Variants in ATP2B2 observed in about 807,000 individuals in gnomAD.
The protein encoded by ATP2B2 is plasma membrane calcium-transporting ATPase 2.
ATP2B2 carries 15 observed loss-of-function variants against 120.0 expected under a neutral mutation model. That is an observed-to-expected ratio of 0.12 (90% CI 0.08 to 0.19). The LOEUF is 0.19. ATP2B2 is among the 10% of genes least tolerant of loss of function. ATP2B2 has a pLI of 1.00. For missense variants in ATP2B2, 1,045 were observed against 1,719.8 expected, an observed-to-expected ratio of 0.61 and a Z score of 6.94; for synonymous variants, 694 against 700.3, an observed-to-expected ratio of 0.99 and a Z score of 0.14.
intron 2 of ATP2B2, among the ~76,000 whole-genome samples, chr3:10,613,457 T>C (rs76458248): frequency 0.026 from 3,887 of 152,200 alleles, 109 homozygotes; most frequent in South Asian, 0.15. Context: ...GTGGGGGCAG[T>C]CTTATTGCAG....
intron 1 of ATP2B2, among the ~76,000 whole-genome samples, chr3:10,452,888 T>G (rs2064113852): frequency 6.6e-6 from 1 of 152,176 alleles, no homozygotes; most frequent in African/African-American, 2.4e-5. Context: ...CTGGATTGGG[T>G]GAAGGCAAAG....
At chr3:10,642,230 G>A (rs114022699) in intron 1 of ATP2B2, among the ~76,000 whole-genome samples, 367 of 152,318 alleles carry the variant, frequency 2.4e-3, no homozygotes, top group African/African-American at 8.3e-3. Flanking sequence ...AAAATAGGGA[G>A]GATGAAAGTA....
intron 10 of ATP2B2, 70 bp downstream of exon 10, chr3:10,378,182 G>C: frequency 6.4e-7 from 1 of 1,561,898 alleles, no homozygotes; most frequent in Non-Finnish European, 8.6e-7. Flanking sequence ...CTGAGGCCGA[G>C]CATGGGGCAG....
chr3:10,510,129 C>T (rs1346402527), upstream of ATP2B2, among the ~76,000 whole-genome samples: 1 of 152,174 alleles, frequency 6.6e-6, no homozygotes, highest in African/African-American at 2.4e-5. Flanking sequence ...GGTCTCTAGT[C>T]TATTGAGATT....
At chr3:10,480,600 C>T (rs2125318009) in intron 1 of ATP2B2, among the ~76,000 whole-genome samples, 1 of 152,288 alleles carries the variant, frequency 6.6e-6, no homozygotes, top group South Asian at 2.1e-4. Context: ...CCTTCAGGCC[C>T]AAGACCCTGT....
chr3:10,435,325 G>C (rs2063447078), intron 2 of ATP2B2, among the ~76,000 whole-genome samples: 1 of 152,122 alleles, frequency 6.6e-6, no homozygotes, highest in Admixed American at 6.5e-5. Flanking sequence ...AGGAAGCAGG[G>C]GGGTCTGAGG....
chr3:10,352,235 G>A (rs1040204624), intron 14 of ATP2B2, among the ~76,000 whole-genome samples: 2 of 152,340 alleles, frequency 1.3e-5, no homozygotes, highest in Admixed American at 1.3e-4. Flanking sequence ...GGAGGGCAGG[G>A]GCCATGGGGA....
intron 1 of ATP2B2, among the ~76,000 whole-genome samples, chr3:10,623,695 T>C (rs1177487425): frequency 1.3e-5 from 2 of 152,212 alleles, no homozygotes; most frequent in Non-Finnish European, 2.9e-5. Context: ...TGGTTCTCTG[T>C]GATACCACTG....
intron 2 of ATP2B2, among the ~76,000 whole-genome samples, chr3:10,447,916 A>T (rs1175780919): frequency 6.6e-6 from 1 of 152,266 alleles, no homozygotes; most frequent in Non-Finnish European, 1.5e-5. Context: ...GCGATGGGCA[A>T]AATGTCAGTG....
intron 2 of ATP2B2, among the ~76,000 whole-genome samples, chr3:10,590,802 A>T (rs906039545): frequency 2.0e-4 from 30 of 152,204 alleles, no homozygotes; most frequent in African/African-American, 7.0e-4. Flanking sequence ...GCACCCGTGC[A>T]TGTGCCTTCA....
chr3:10,353,774 A>G (rs1435717448), intron 14 of ATP2B2, among the ~76,000 whole-genome samples: 1 of 152,022 alleles, frequency 6.6e-6, no homozygotes, highest in Non-Finnish European at 1.5e-5. Context: ...CGGACCCTAT[A>G]CTTTCTTCTG....
chr3:10,488,129 C>A (rs1301017582), intron 1 of ATP2B2, among the ~76,000 whole-genome samples: 1 of 150,964 alleles, frequency 6.6e-6, no homozygotes, highest in East Asian at 2.0e-4. Flanking sequence ...ACCCATCCAT[C>A]CATCCATCCT....
chr3:10,383,336 T>C (rs756623873), intron 8 of ATP2B2, among the ~76,000 whole-genome samples: 4 of 152,152 alleles, frequency 2.6e-5, no homozygotes, highest in Non-Finnish European at 4.4e-5. Context: ...GGAAACTCTA[T>C]GTGACTCTGT....
At chr3:10,390,776 G>A (rs979852745) in intron 5 of ATP2B2, among the ~76,000 whole-genome samples, 1 of 152,138 alleles carries the variant, frequency 6.6e-6, no homozygotes, top group African/African-American at 2.4e-5. Context: ...GGCACAGTGG[G>A]GACCACAGAA....
chr3:10,587,000 A>G (rs1387043461), intron 2 of ATP2B2, among the ~76,000 whole-genome samples: 1 of 152,008 alleles, frequency 6.6e-6, no homozygotes, highest in Non-Finnish European at 1.5e-5. Flanking sequence ...ACTTAGCACC[A>G]CCAGATAATC....
At chr3:10,359,851 C>T (rs775347734) in intron 13 of ATP2B2, 31 bp downstream of exon 13, 10 of 1,613,800 alleles carry the variant, frequency 6.2e-6, no homozygotes, top group South Asian at 3.3e-5. Context: ...AGGGCACAGC[C>T]CTCAGCCCCG....
At chr3:10,582,517 A>G (rs1276855949) in intron 2 of ATP2B2, among the ~76,000 whole-genome samples, 1 of 152,192 alleles carries the variant, frequency 6.6e-6, no homozygotes, top group African/African-American at 2.4e-5. Flanking sequence ...TTGCAGAATT[A>G]TATGTGCTTT....
At chr3:10,521,325 G>A (rs2066980844) in intron 3 of ATP2B2, among the ~76,000 whole-genome samples, 2 of 152,214 alleles carry the variant, frequency 1.3e-5, no homozygotes, top group South Asian at 2.1e-4. Flanking sequence ...AATCAGTCAA[G>A]TAACAGTGAA....
intron 3 of ATP2B2, among the ~76,000 whole-genome samples, chr3:10,524,305 A>G (rs1331109952): frequency 6.6e-6 from 1 of 152,198 alleles, no homozygotes; most frequent in African/African-American, 2.4e-5. Flanking sequence ...TAGTAAACGT[A>G]TCAGGTACAA....
Sources: allele counts gnomAD v4.1 joint callset (sites outside exome capture counted in the v4.1 genomes callset), GRCh38; gene constraint gnomAD v4.1.1; transcripts MANE v1.5; gene names NCBI Gene and HGNC (gene_info 2026-07-23, HGNC 2026-07-21).